SLC22A25: variants seen among roughly 807,000 people sequenced by gnomAD.
SLC22A25 encodes MGI:2442751, MGI:2385316, MGI:3042283, MGI:3645714, MGI:3605624, MGI:2442750.
Under a neutral mutation model 45.9 loss-of-function variants are expected in SLC22A25, and 44 were observed. The observed-to-expected ratio is 0.96, with a 90% CI of 0.75 to 1.23. SLC22A25 has a LOEUF of 1.23. Ranked by LOEUF, SLC22A25 falls within the 50% of genes most tolerant of loss-of-function variation. SLC22A25 has a pLI of 0.00. For missense variants in SLC22A25, 800 were observed against 666.4 expected, an observed-to-expected ratio of 1.20 and a Z score of -2.21; for synonymous variants, 283 against 238.6, an observed-to-expected ratio of 1.19 and a Z score of -1.72.
intron 7 of SLC22A25, among the ~76,000 whole-genome samples, chr11:63,209,736 A>G (rs1335426739): frequency 6.6e-6 from 1 of 152,190 alleles, no homozygotes; most frequent in Non-Finnish European, 1.5e-5. Flanking sequence ...CTATACAGAA[A>G]AGCCTCAGGC....
chr11:63,163,976 A>G lies in SLC22A25; in HGVS notation c.1492T>C (p.Trp498Arg). The G allele has an allele frequency of 6.2e-7, 1 of 1,613,948 alleles. No individual in the cohort carries two copies. The highest frequency in any genetic ancestry group is 8.5e-7 in the Non-Finnish European group (1 of 1,179,888). Residue 498 changes from tryptophan (W) to arginine (R), a missense_variant, in exon 12 of 12, where the codon TGG (tryptophan) becomes CGG (arginine). Coordinates refer to ENST00000306494, the MANE Select transcript of SLC22A25 (RefSeq NM_199352.6). ...ATGGCAAAGACTCCATAGATGATCC[A>G]GGGCAGGGGTCGAGAATATATGCTT... is the stretch of plus-strand genomic sequence containing the variant. ...ILSIYSRPLPWIIYGVFAILS... is the reference protein window; with the variant it reads ...ILSIYSRPLPRIIYGVFAILS...
chr11:63,173,432 A>G (rs2087965489), intron 9 of SLC22A25, among the ~76,000 whole-genome samples: 1 of 152,130 alleles, frequency 6.6e-6, no homozygotes, highest in South Asian at 2.1e-4. Flanking sequence ...TTCAACATAC[A>G]TTTGTATCTC....
chr11:63,180,882 G>C, intron 8 of SLC22A25, 107 bp from the exon 9 acceptor site: 1 of 708,418 alleles, frequency 1.4e-6, no homozygotes, highest in Non-Finnish European at 2.4e-6. Context: ...ATCCCTTTCT[G>C]TCTAGCAGAA....
At chr11:63,189,950 C>T (rs1417483941) in intron 7 of SLC22A25, among the ~76,000 whole-genome samples, 2 of 152,186 alleles carry the variant, frequency 1.3e-5, no homozygotes, top group Non-Finnish European at 2.9e-5. Flanking sequence ...GTGGGTAACC[C>T]AAGCTTTCTG....
At chr11:63,224,762 C>T (rs371726693) in intron 5 of SLC22A25, among the ~76,000 whole-genome samples, 158 of 152,056 alleles carry the variant, frequency 1.0e-3, no homozygotes, top group African/African-American at 3.6e-3. Flanking sequence ...TGCTTTTTAA[C>T]CTTTGTTTCT....
intron 7 of SLC22A25, among the ~76,000 whole-genome samples, chr11:63,200,718 A>G (rs2089211625): frequency 6.6e-6 from 1 of 152,136 alleles, no homozygotes; most frequent in Non-Finnish European, 1.5e-5. Context: ...AAGTCAAACT[A>G]TCCCTGTTCA....
chr11:63,229,715 G>C lies in SLC22A25; in HGVS notation c.-63C>G, dbSNP rs2090034652. ...GACTGTATCCAGATAAGTTCAAAGA[G>C]AAAATATTTCCTTTCCTTAAATCAC... On this transcript the variant is annotated 5_prime_UTR_variant, in exon 4 of 12. Coordinates refer to ENST00000306494, the MANE Select transcript of SLC22A25 (RefSeq NM_199352.6). The C allele has an allele frequency of 1.3e-6, 2 of 1,497,464 alleles. No homozygotes were observed. Among genetic ancestry groups the C allele is most frequent in the Admixed American group, 2.0e-5 (1 of 50,786 alleles). 92.8% of individuals were successfully genotyped at this position (1,497,464 alleles called of 1,614,324 possible). A position where few individuals can be genotyped will look rare whatever the true frequency, so the allele number is the denominator to read the frequency against.
At chr11:63,200,059 T>G (rs2089190464) in intron 7 of SLC22A25, among the ~76,000 whole-genome samples, 1 of 151,992 alleles carries the variant, frequency 6.6e-6, no homozygotes, top group Non-Finnish European at 1.5e-5. Context: ...GTTTCACAGC[T>G]GAATTCCACC....
At chr11:63,223,903 T>C (rs1290438065) in intron 5 of SLC22A25, among the ~76,000 whole-genome samples, 7 of 152,102 alleles carry the variant, frequency 4.6e-5, no homozygotes, top group African/African-American at 7.2e-5. Flanking sequence ...CTCTTTAATT[T>C]TTATGTATTT....
chr11:63,167,611 T>A (rs2087730075), intron 9 of SLC22A25: 1 of 152,594 alleles, frequency 6.6e-6, no homozygotes, highest in South Asian at 2.1e-4. Context: ...AGACTGCCTC[T>A]CTAGATTCCT....
chr11:63,177,115 T>C (rs939798378), intron 9 of SLC22A25, among the ~76,000 whole-genome samples: 10 of 152,148 alleles, frequency 6.6e-5, no homozygotes, highest in Admixed American at 5.9e-4. Flanking sequence ...CAAAGTCTTA[T>C]GGAGGTTCTC....
intron 9 of SLC22A25, chr11:63,166,953 T>C: frequency 1.4e-6 from 1 of 707,964 alleles, no homozygotes; most frequent in Non-Finnish European, 1.7e-6. Flanking sequence ...AGGTGAGTGA[T>C]TTCTGCATTT....
chr11:63,174,003 C>A (rs1238418066), intron 9 of SLC22A25, among the ~76,000 whole-genome samples: 1 of 150,550 alleles, frequency 6.6e-6, no homozygotes, highest in Non-Finnish European at 1.5e-5. Flanking sequence ...CTGCACCCAT[C>A]AACTCATCAC....
chr11:63,213,328 T>TA (rs909656331), intron 7 of SLC22A25, among the ~76,000 whole-genome samples: 12 of 152,134 alleles, frequency 7.9e-5, no homozygotes, highest in African/African-American at 7.2e-5. Flanking sequence ...TTGCCAGATG[T>TA]AAAAAAAGCC....
intron 7 of SLC22A25, among the ~76,000 whole-genome samples, chr11:63,212,679 G>C (rs2089604792): frequency 7.7e-6 from 1 of 130,016 alleles, no homozygotes; most frequent in African/African-American, 2.8e-5. Context: ...GGGTGGGGGA[G>C]GGGGGAGGGA....
intron 5 of SLC22A25, chr11:63,220,095 G>T (rs1318589124): frequency 2.0e-6 from 2 of 1,012,004 alleles, no homozygotes; most frequent in Non-Finnish European, 2.7e-6. Context: ...TGACAATATT[G>T]TCCTTAGATT....
At chr11:63,239,727 G>T (rs538205500) in intron 1 of SLC22A25, among the ~76,000 whole-genome samples, 12 of 152,152 alleles carry the variant, frequency 7.9e-5, no homozygotes, top group Non-Finnish European at 1.6e-4. Context: ...TTCAGAAAGG[G>T]CAGAGTCAGG....
intron 1 of SLC22A25, among the ~76,000 whole-genome samples, chr11:63,240,630 C>G (rs1439661584): frequency 1.5e-4 from 23 of 152,048 alleles, no homozygotes; most frequent in Non-Finnish European, 2.9e-5. Context: ...CTTGTTCATT[C>G]TATAAGCTTT....
chr11:63,226,588 G>C (rs540363280), intron 5 of SLC22A25, among the ~76,000 whole-genome samples: 7 of 152,368 alleles, frequency 4.6e-5, no homozygotes, highest in African/African-American at 1.7e-4. Flanking sequence ...TCCTGGGTCA[G>C]ACCTGAAGAC....
Sources: gnomAD v4.1 joint callset for allele counts (sites outside exome capture counted in the v4.1 genomes callset) on GRCh38, gnomAD v4.1.1 for gene constraint, MANE v1.5 for transcripts, NCBI Gene and HGNC (gene_info 2026-07-23, HGNC 2026-07-21) for gene names.